ERBB4: variants seen among roughly 807,000 people sequenced by gnomAD.
ERBB4 encodes receptor tyrosine-protein kinase erbB-4.
A neutral mutation model predicts 158.0 loss-of-function variants in ERBB4; 42 were observed. The ratio of observed to expected loss-of-function variants is 0.27; its 90% confidence interval spans 0.21 to 0.34. The LOEUF (loss-of-function observed/expected upper bound fraction) is 0.34. ERBB4 is among the 10% of genes least tolerant of loss of function. The pLI, the probability that ERBB4 is intolerant of heterozygous loss-of-function variation, is 1.00. For missense variants in ERBB4, 1,333 were observed against 1,624.1 expected (o/e 0.82, Z 3.08); for synonymous variants, 583 against 558.7 (o/e 1.04, Z -0.61).
intron 12 of ERBB4, among the ~76,000 whole-genome samples, chr2:211,700,744 C>T (rs2073204030): frequency 6.6e-6 from 1 of 152,108 alleles, no homozygotes; most frequent in African/African-American, 2.4e-5. Context: ...TACACGCACA[C>T]ACAAACTCAA....
chr2:211,705,516 T>C (rs114774112), intron 9 of ERBB4, 125 bp from the exon 10 acceptor site: 9,458 of 710,024 alleles, frequency 0.013, 108 homozygotes, highest in Non-Finnish European at 0.016. Flanking sequence ...TCAATGCATG[T>C]TTAAATTAAT....
chr2:211,517,716 C>A (rs1335608926), intron 20 of ERBB4, among the ~76,000 whole-genome samples: 1 of 152,066 alleles, frequency 6.6e-6, no homozygotes, highest in Non-Finnish European at 1.5e-5. Flanking sequence ...ACATAAATTA[C>A]ATAAAAATCC....
chr2:211,473,722 AG>A (rs2125532116), intron 20 of ERBB4, among the ~76,000 whole-genome samples: 1 of 152,160 alleles, frequency 6.6e-6, no homozygotes, highest in African/African-American at 2.4e-5. Context: ...GCTCCCTGGG[AG>A]CCAGGGAGAT....
At chr2:212,482,211 A>C (rs1689738516) in intron 1 of ERBB4, among the ~76,000 whole-genome samples, 1 of 152,234 alleles carries the variant, frequency 6.6e-6, no homozygotes, top group Admixed American at 6.5e-5. Context: ...GCTAAATTTA[A>C]AAACCCAAAT....
At chr2:212,485,344 A>G (rs185531611) in intron 1 of ERBB4, among the ~76,000 whole-genome samples, 199 of 152,232 alleles carry the variant, frequency 1.3e-3, no homozygotes, top group African/African-American at 4.5e-3. Context: ...ATAACACAAA[A>G]CTGAAGTTAT....
At chr2:211,512,507 T>C (rs2065907272) in intron 20 of ERBB4, among the ~76,000 whole-genome samples, 1 of 151,932 alleles carries the variant, frequency 6.6e-6, no homozygotes, top group Admixed American at 6.6e-5. Context: ...ACATTTATAT[T>C]AGAAATCACT....
intron 1 of ERBB4, among the ~76,000 whole-genome samples, chr2:212,507,699 A>G (rs1691270331): frequency 6.6e-6 from 1 of 152,218 alleles, no homozygotes; most frequent in Admixed American, 6.5e-5. Context: ...TCTCATGATC[A>G]AATGAACAGA....
intron 2 of ERBB4, among the ~76,000 whole-genome samples, chr2:212,055,361 A>G (rs960410917): frequency 2.0e-5 from 3 of 152,050 alleles, no homozygotes; most frequent in Admixed American, 6.5e-5. Flanking sequence ...TGTAGACTCC[A>G]CCTCTGGGGG....
At chr2:212,052,741 A>T (rs2077436059) in intron 2 of ERBB4, among the ~76,000 whole-genome samples, 1 of 152,160 alleles carries the variant, frequency 6.6e-6, no homozygotes, top group Non-Finnish European at 1.5e-5. Flanking sequence ...ACATCCAGAG[A>T]GTGAGATGTC....
Position 212,251,830 on chromosome 2 carries a change from T to C in ERBB4, c.83-126927A>G, listed in dbSNP as rs192636671. Among the ~76,000 whole-genome samples the C allele has an allele frequency of 3.6e-3, 547 of 152,010 alleles. 3 individuals are homozygous for C. Among genetic ancestry groups the C allele is most frequent in the African/African-American group, 0.012 (488 of 41,540 alleles). On this transcript the variant is annotated intron_variant, in intron 1 of 27. Coordinates refer to ENST00000342788, the MANE Select transcript of ERBB4 (RefSeq NM_005235.3). The stretch of plus-strand genomic sequence containing the variant: ...TTGCTGGCTGTTAGTCAAAAAGATA[T>C]AGGAAGCCATGGGAAGTTAACCACT...
chr2:211,708,020 T>A (rs983335561), intron 9 of ERBB4, among the ~76,000 whole-genome samples: 1 of 152,138 alleles, frequency 6.6e-6, no homozygotes, highest in Non-Finnish European at 1.5e-5. Flanking sequence ...AGGTAAAACA[T>A]TTCTTTAATT....
chr2:212,099,762 A>C (rs1305130499), intron 2 of ERBB4, among the ~76,000 whole-genome samples: 1 of 147,076 alleles, frequency 6.8e-6, no homozygotes, highest in Non-Finnish European at 1.5e-5. Flanking sequence ...TTTCAGGATG[A>C]CATTATCTAA....
rs58137267 is a variant in ERBB4 at position 212,210,213 on chromosome 2, CA to C, written c.83-85311del. ...AAGAGAAAGAGCAGCAATGCTAGTG[CA>C]AAAAAAAAAAAAAAAAAGAATTTAG... On this transcript the variant is annotated intron_variant, in intron 1 of 27. Coordinates refer to ENST00000342788, the MANE Select transcript of ERBB4 (RefSeq NM_005235.3). Among the ~76,000 whole-genome samples the C allele has an allele frequency of 8.4e-3, 1,135 of 135,566 alleles. 4 individuals carry two copies. Among genetic ancestry groups the C allele is most frequent in the African/African-American group, 0.018 (654 of 36,688 alleles). 88.9% of individuals were successfully genotyped at this position (135,566 alleles called of 152,430 possible). A position where few individuals can be genotyped will look rare whatever the true frequency, so the allele number is the denominator to read the frequency against.
Position 211,560,681 on chromosome 2 carries a change from G to A in ERBB4, c.2487+1222C>T, listed in dbSNP as rs929163011. Among the ~76,000 whole-genome samples, 24 of 151,948 alleles carry A rather than the reference G, an allele frequency of 1.6e-4. 1 individual carries two copies. The highest frequency in any genetic ancestry group is 4.6e-4 in the African/African-American group (19 of 41,374). Reference sequence around the variant, plus strand: ...AGAAGTTCTTAGATAAATCCATTTCGGAAGTGCTATATTTCAAACTTCATT... The same window carrying A: ...AGAAGTTCTTAGATAAATCCATTTCAGAAGTGCTATATTTCAAACTTCATT... On this transcript the variant is annotated intron_variant, in intron 20 of 27. Transcript: ENST00000342788.
chr2:211,796,343 A>G (rs2076382562), intron 3 of ERBB4, among the ~76,000 whole-genome samples: 1 of 151,948 alleles, frequency 6.6e-6, no homozygotes, highest in Non-Finnish European at 1.5e-5. Flanking sequence ...GTGGTATTCC[A>G]TGGTTTGTCA....
At chr2:211,931,731 T>C (rs1167059556) in intron 3 of ERBB4, among the ~76,000 whole-genome samples, 3 of 152,074 alleles carry the variant, frequency 2.0e-5, no homozygotes, top group Non-Finnish European at 4.4e-5. Flanking sequence ...ATCTTCTGGT[T>C]GCTAGTGAGC....
chr2:211,440,133 A>G (rs183382377), intron 20 of ERBB4, among the ~76,000 whole-genome samples: 16 of 152,326 alleles, frequency 1.1e-4, no homozygotes, highest in Admixed American at 2.0e-4. Context: ...TGTGAGTAAA[A>G]AGCTCATCTG....
At chr2:212,053,305 T>G (rs1164614166) in intron 2 of ERBB4, among the ~76,000 whole-genome samples, 6 of 152,152 alleles carry the variant, frequency 3.9e-5, no homozygotes, top group Non-Finnish European at 5.9e-5. Context: ...AAATCAGAAG[T>G]CATAATTAAT....
chr2:211,886,916 G>C (rs2106168380), intron 3 of ERBB4, among the ~76,000 whole-genome samples: 1 of 152,328 alleles, frequency 6.6e-6, no homozygotes, highest in Admixed American at 6.5e-5. Flanking sequence ...AGGATTCACA[G>C]TGGGTTCTCT....
Sources: gnomAD v4.1 joint callset for allele counts (sites outside exome capture counted in the v4.1 genomes callset) on GRCh38, gnomAD v4.1.1 for gene constraint, MANE v1.5 for transcripts, NCBI Gene and HGNC (gene_info 2026-07-23, HGNC 2026-07-21) for gene names.